Variants in CCDC158 observed in about 807,000 individuals in gnomAD.
CCDC158 encodes the protein coiled-coil domain-containing protein 158.
A neutral mutation model predicts 138.6 loss-of-function variants in CCDC158; 116 were observed. The observed-to-expected ratio is 0.84, with a 90% confidence interval of 0.72 to 0.98. The LOEUF is 0.98. CCDC158 is among the 50% of genes least tolerant of loss of function. The pLI, the probability that CCDC158 is intolerant of heterozygous loss-of-function variation, is 0.00. For synonymous variants in CCDC158, 436 were observed against 442.4 expected (o/e 0.99, Z 0.18); for missense variants, 1,265 against 1,306.1 (o/e 0.97, Z 0.48).
At position 76,331,211 on chromosome 4, in the gene CCDC158, T is replaced by C; in HGVS notation, c.2942+133A>G. On this transcript the variant is annotated intron_variant, in intron 21 of 24. Coordinates refer to ENST00000682701, the MANE Select transcript of CCDC158 (RefSeq NM_001394954.1). Reference sequence around the variant, plus strand: ...GTAAGCAACTTGAGGACAGAGCCCATATCTGTCTTGCTCACTATATTCTAA... The same window carrying C: ...GTAAGCAACTTGAGGACAGAGCCCACATCTGTCTTGCTCACTATATTCTAA... 1.4e-5 allele frequency: 10 copies of C among 729,896 alleles called. No individual in the cohort carries two copies. The East Asian group carries it at 1.8e-4, about 13-fold the overall frequency. 45.2% of individuals were successfully genotyped at this position (729,896 alleles called of 1,614,324 possible). A position where few individuals can be genotyped will look rare whatever the true frequency, so the allele number is the denominator to read the frequency against.
At chr4:76,414,874 C>G (rs1579120995) in intron 1 of CCDC158, among the ~76,000 whole-genome samples, 1 of 152,256 alleles carries the variant, frequency 6.6e-6, no homozygotes, top group East Asian at 1.9e-4. Flanking sequence ...AGCGTGAAAA[C>G]AGACTAATAC....
At chr4:76,333,985 C>T in intron 19 of CCDC158, 25 bp downstream of exon 19, 1 of 1,519,818 alleles carries the variant, frequency 6.6e-7, no homozygotes. Flanking sequence ...ATGAGCTTTC[C>T]CATTCTGTGT....
chr4:76,346,734 G>A (rs548149998), intron 18 of CCDC158, among the ~76,000 whole-genome samples: 3 of 152,172 alleles, frequency 2.0e-5, no homozygotes, highest in African/African-American at 7.2e-5. Flanking sequence ...TCATCAGAGT[G>A]AACAGGCAAC....
rs1273187649 is a variant in CCDC158 at position 76,351,719 on chromosome 4, C to A, written c.2538+1G>T. The A allele has an allele frequency of 6.3e-7, 1 of 1,594,238 alleles. No individual in the cohort carries two copies. The highest frequency in any genetic ancestry group is 8.6e-7 in the Non-Finnish European group (1 of 1,162,588). ...TAAACTAATATTTATGATGACCTTA[C>A]TTTTATATCCAAAGTGTGTTGAAGT... On this transcript the variant is annotated splice_donor_variant, in intron 17 of 24. Transcript: ENST00000682701. LOFTEE classifies it high-confidence loss of function.
intron 2 of CCDC158, 149 bp from the exon 3 acceptor site, chr4:76,403,429 C>A: frequency 2.6e-6 from 1 of 379,844 alleles, no homozygotes. Context: ...CATTATATTA[C>A]ATAAAATTAA....
At chr4:76,336,457 A>T (rs1721518574) in intron 18 of CCDC158, among the ~76,000 whole-genome samples, 1 of 152,168 alleles carries the variant, frequency 6.6e-6, no homozygotes, top group African/African-American at 2.4e-5. Context: ...CCTGAAAATC[A>T]TTTGGTTCTA....
chr4:76,362,297 C>G lies in CCDC158; in HGVS notation c.1849G>C (p.Asp617His). The change falls in exon 13 of 25, where the codon GAT (aspartate) becomes CAT (histidine). Residue 617 changes from aspartate (D) to histidine (H), a missense_variant. Coordinates refer to ENST00000682701, the MANE Select transcript of CCDC158 (RefSeq NM_001394954.1). ...GCCTCAAGCTCCCGGATCTTTGCATCTTTTTTATCTTTTAATATCTAAATA... is the reference window on the plus strand; with the variant it reads ...GCCTCAAGCTCCCGGATCTTTGCATGTTTTTTATCTTTTAATATCTAAATA... ...KELKILKDKK[D>H]AKIRELEARV... 4 of 1,611,458 alleles carry G rather than the reference C, an allele frequency of 2.5e-6. No individual in the cohort carries two copies. In the South Asian group the frequency reaches 4.4e-5, roughly 18 times the overall value.
intron 18 of CCDC158, among the ~76,000 whole-genome samples, chr4:76,348,901 T>A (rs1014030699): frequency 6.6e-6 from 1 of 151,850 alleles, no homozygotes; most frequent in African/African-American, 2.4e-5. Flanking sequence ...ACAAACTGAG[T>A]AGATAAGGGA....
chr4:76,382,541 G>T, intron 8 of CCDC158, 69 bp downstream of exon 8: 2 of 970,284 alleles, frequency 2.1e-6, no homozygotes, highest in Non-Finnish European at 3.2e-6. Flanking sequence ...AAAGATTATA[G>T]AACAGAAAGT....
intron 4 of CCDC158, among the ~76,000 whole-genome samples, chr4:76,386,771 T>C (rs112838982): frequency 0.029 from 4,473 of 152,306 alleles, 218 homozygotes; most frequent in African/African-American, 0.1. Context: ...AGAATCTGCA[T>C]AGGGCAGGGA....
intron 8 of CCDC158, among the ~76,000 whole-genome samples, chr4:76,381,454 T>C (rs1015308034): frequency 1.3e-5 from 2 of 152,240 alleles, no homozygotes; most frequent in African/African-American, 4.8e-5. Flanking sequence ...ATTTTGGACT[T>C]GCATGGGGCC....
intron 9 of CCDC158, among the ~76,000 whole-genome samples, chr4:76,376,122 T>A (rs1203244158): frequency 6.6e-6 from 1 of 152,124 alleles, no homozygotes; most frequent in African/African-American, 2.4e-5. Context: ...GGTGTGATCA[T>A]GGCTCATTGC....
In CCDC158 at chr4:76,384,666, C is replaced by A; in HGVS notation, c.289-1G>T. On this transcript the variant is annotated splice_acceptor_variant, in intron 4 of 24. Transcript: ENST00000682701. LOFTEE classifies it high-confidence loss of function. ...TTTGTTTCTCATGCAATTCATTGCT[C>A]TGAAAAAAAAAGCCATGCAAATTAA... The A allele has an allele frequency of 6.3e-7, 1 of 1,597,394 alleles. No individual in the cohort carries two copies. Among genetic ancestry groups the A allele is most frequent in the Non-Finnish European group, 8.5e-7 (1 of 1,171,172 alleles).
At chr4:76,325,304 T>C (rs576571114) in intron 23 of CCDC158, among the ~76,000 whole-genome samples, 13 of 152,308 alleles carry the variant, frequency 8.5e-5, no homozygotes, top group African/African-American at 3.1e-4. Context: ...CTGGGGTTGT[T>C]TGGTCACTGT....
intron 3 of CCDC158, among the ~76,000 whole-genome samples, chr4:76,400,910 T>A (rs529109799): frequency 5.9e-5 from 9 of 152,256 alleles, no homozygotes; most frequent in African/African-American, 2.2e-4. Flanking sequence ...TAAGGAATGA[T>A]ACAAAAGAAA....
chr4:76,395,828 T>C (rs185120094), intron 4 of CCDC158, among the ~76,000 whole-genome samples: 111 of 152,316 alleles, frequency 7.3e-4, no homozygotes, highest in African/African-American at 2.6e-3. Context: ...CACTTGAAAT[T>C]TTTAGCAAAT....
intron 18 of CCDC158, among the ~76,000 whole-genome samples, chr4:76,348,688 T>A (rs1170603641): frequency 6.6e-6 from 1 of 152,078 alleles, no homozygotes; most frequent in Non-Finnish European, 1.5e-5. Context: ...TACCACAATT[T>A]CTAAAATGAA....
At chr4:76,324,820 T>C (rs1720376754) in intron 23 of CCDC158, among the ~76,000 whole-genome samples, 1 of 152,206 alleles carries the variant, frequency 6.6e-6, no homozygotes, top group Non-Finnish European at 1.5e-5. Flanking sequence ...TCATCCTTTC[T>C]GAGGCAAGTA....
intron 21 of CCDC158, among the ~76,000 whole-genome samples, chr4:76,330,931 T>G (rs1159237613): frequency 6.6e-6 from 1 of 152,144 alleles, no homozygotes; most frequent in African/African-American, 2.4e-5. Flanking sequence ...ATGAAAATAT[T>G]TATAATACTA....
Sources: gnomAD v4.1 joint callset for allele counts (sites outside exome capture counted in the v4.1 genomes callset) on GRCh38, gnomAD v4.1.1 for gene constraint, MANE v1.5 for transcripts, NCBI Gene and HGNC (gene_info 2026-07-23, HGNC 2026-07-21) for gene names.